The following ZC3H11C variants were observed in gnomAD, a reference collection of about 807,000 sequenced individuals.
ZC3H11C encodes the protein zinc finger CCCH-type containing 11C.
the ZC3H11C span, among the ~76,000 whole-genome samples, chr6:65,302,072 C>T: frequency 4.6e-5 from 7 of 152,310 alleles, no homozygotes; most frequent in Middle Eastern, 6.8e-3. Flanking sequence ...TCCTTTGACT[C>T]TCAAGTTCAT....
the ZC3H11C span, among the ~76,000 whole-genome samples, chr6:65,306,484 C>T: frequency 6.6e-6 from 1 of 152,026 alleles, no homozygotes; most frequent in East Asian, 1.9e-4. Flanking sequence ...CTACTTATTT[C>T]GCTTTTGGAA....
chr6:65,305,490 G>C, the ZC3H11C span, among the ~76,000 whole-genome samples: 1 of 152,180 alleles, frequency 6.6e-6, no homozygotes, highest in South Asian at 2.1e-4. Flanking sequence ...CTTTAAAGAG[G>C]GCTGAGCAGC....
At chr6:65,301,829 A>G in the ZC3H11C span, among the ~76,000 whole-genome samples, 1 of 152,186 alleles carries the variant, frequency 6.6e-6, no homozygotes, top group Admixed American at 6.5e-5. Context: ...TACTGTTGAC[A>G]TCTTCCAGGC....
At chr6:65,303,322 C>T in the ZC3H11C span, 1 of 791,502 alleles carries the variant, frequency 1.3e-6, no homozygotes, top group Non-Finnish European at 2.3e-6. Context: ...TAACTCTCTC[C>T]ACCAAACAAG....
the ZC3H11C span, among the ~76,000 whole-genome samples, chr6:65,302,127 T>C: frequency 6.6e-5 from 10 of 152,264 alleles, no homozygotes; most frequent in African/African-American, 2.4e-4. Flanking sequence ...AGGAGATAAC[T>C]AACCCTAGCT....
the ZC3H11C span, among the ~76,000 whole-genome samples, chr6:65,302,062 T>C: frequency 8.5e-3 from 1,300 of 152,308 alleles, 8 homozygotes; most frequent in African/African-American, 0.029. Flanking sequence ...TTTTTCATGA[T>C]CCTTTGACTC....
At chr6:65,306,492 G>T in the ZC3H11C span, among the ~76,000 whole-genome samples, 1 of 152,032 alleles carries the variant, frequency 6.6e-6, no homozygotes. Context: ...TTCGCTTTTG[G>T]AATCAGCTTA....
At chr6:65,306,057 TG>T in the ZC3H11C span, among the ~76,000 whole-genome samples, 37 of 152,330 alleles carry the variant, frequency 2.4e-4, no homozygotes, top group Admixed American at 8.5e-4. Flanking sequence ...GGTTTAGATT[TG>T]TGAAGGAATA....
chr6:65,306,265 C>T, the ZC3H11C span, among the ~76,000 whole-genome samples: 6 of 152,224 alleles, frequency 3.9e-5, no homozygotes, highest in East Asian at 5.8e-4. Context: ...TTGAACTTCA[C>T]GTAGCCTTGT....
chr6:65,305,740 T>C, the ZC3H11C span, among the ~76,000 whole-genome samples: 1 of 152,268 alleles, frequency 6.6e-6, no homozygotes, highest in Non-Finnish European at 1.5e-5. Context: ...TCCCTTTTCT[T>C]CTTCAGTACT....
the ZC3H11C span, chr6:65,303,697 T>C: frequency 1.8e-6 from 1 of 553,978 alleles, no homozygotes; most frequent in Non-Finnish European, 3.0e-6. Context: ...ATGATTCTAC[T>C]TCAGGAGCAA....
chr6:65,306,111 A>G, the ZC3H11C span, among the ~76,000 whole-genome samples: 3 of 152,210 alleles, frequency 2.0e-5, no homozygotes, highest in East Asian at 3.8e-4. Flanking sequence ...TATGTTGTAT[A>G]TAATCAGGAG....
the ZC3H11C span, among the ~76,000 whole-genome samples, chr6:65,305,335 G>T: frequency 6.6e-6 from 1 of 152,200 alleles, no homozygotes; most frequent in South Asian, 2.1e-4. Context: ...TTGTCTTGAT[G>T]TACTTAATAT....
chr6:65,301,623 C>T, the ZC3H11C span, among the ~76,000 whole-genome samples: 2 of 152,252 alleles, frequency 1.3e-5, no homozygotes, highest in Admixed American at 6.5e-5. Context: ...TCAAACTCCA[C>T]ATACAGAAAG....
chr6:65,303,215 C>CA, the ZC3H11C span: 15 of 710,042 alleles, frequency 2.1e-5, no homozygotes, highest in Non-Finnish European at 3.4e-5. Flanking sequence ...ATCTGAGGAG[C>CA]AAGGTGAGGG....
At chr6:65,301,796 C>A in the ZC3H11C span, among the ~76,000 whole-genome samples, 1,474 of 152,250 alleles carry the variant, frequency 9.7e-3, 8 homozygotes, top group African/African-American at 0.034. Context: ...ATAATTGGTG[C>A]GGATTCCTGT....
chr6:65,306,068 A>G, the ZC3H11C span, among the ~76,000 whole-genome samples: 4 of 152,312 alleles, frequency 2.6e-5, no homozygotes, highest in African/African-American at 9.6e-5. Flanking sequence ...GTGAAGGAAT[A>G]AGCATGATGG....
chr6:65,306,303 C>T, the ZC3H11C span, among the ~76,000 whole-genome samples: 1 of 152,172 alleles, frequency 6.6e-6, no homozygotes, highest in Non-Finnish European at 1.5e-5. Context: ...AAGAAAGCCA[C>T]AGGACTGCCC....
At chr6:65,301,659 C>T in the ZC3H11C span, among the ~76,000 whole-genome samples, 1 of 152,270 alleles carries the variant, frequency 6.6e-6, no homozygotes, top group African/African-American at 2.4e-5. Context: ...CGGTATCCTA[C>T]ACCCATTCCC....
Sources: allele counts gnomAD v4.1 joint callset (sites outside exome capture counted in the v4.1 genomes callset), GRCh38; gene constraint gnomAD v4.1.1; transcripts MANE v1.5; gene names NCBI Gene and HGNC (gene_info 2026-07-23, HGNC 2026-07-21).